Variants in MAST4 observed in about 807,000 individuals in gnomAD.
MAST4 encodes the protein microtubule-associated serine/threonine-protein kinase 4.
MAST4 carries 89 observed loss-of-function variants against 162.7 expected under a neutral mutation model. That is an observed-to-expected ratio of 0.55 (90% CI 0.46 to 0.65). The LOEUF (loss-of-function observed/expected upper bound fraction) is 0.65. Among genes scored for constraint, MAST4 ranks in the 30% least tolerant of loss-of-function variants. The probability of loss-of-function intolerance (pLI) is 0.00; values close to 1 mark genes in which losing one functional copy is unlikely to be tolerated. For synonymous variants in MAST4, 1,479 were observed against 1,361.1 expected, an observed-to-expected ratio of 1.09 and a Z score of -1.91; for missense variants, 3,153 against 3,374.0, an observed-to-expected ratio of 0.93 and a Z score of 1.62.
At chr5:67,041,724 G>GTTAA in intron 4 of MAST4, among the ~76,000 whole-genome samples, 1 of 152,316 alleles carries the variant, frequency 6.6e-6, no homozygotes, top group Non-Finnish European at 1.5e-5. Context: ...CGCCTCCCAG[G>GTTAA]TTCAAGCGAT....
intron 4 of MAST4, among the ~76,000 whole-genome samples, chr5:67,036,301 T>C (rs964793875): frequency 2.6e-5 from 4 of 152,184 alleles, no homozygotes; most frequent in African/African-American, 9.7e-5. Flanking sequence ...CAGCTTTTCT[T>C]TGTAAAACTC....
intron 4 of MAST4, among the ~76,000 whole-genome samples, chr5:67,020,788 T>C (rs528608675): frequency 6.6e-6 from 1 of 152,274 alleles, no homozygotes; most frequent in Admixed American, 6.5e-5. Flanking sequence ...GTACCATAAG[T>C]AAAATGGATT....
intron 4 of MAST4, among the ~76,000 whole-genome samples, chr5:66,975,415 A>C (rs1333079810): frequency 6.6e-6 from 1 of 152,174 alleles, no homozygotes; most frequent in Non-Finnish European, 1.5e-5. Context: ...TTACAGAAGA[A>C]GGAGCCCAGG....
At chr5:67,128,525 T>C (rs1328815473) in intron 14 of MAST4, among the ~76,000 whole-genome samples, 2 of 151,800 alleles carry the variant, frequency 1.3e-5, no homozygotes, top group African/African-American at 4.8e-5. Flanking sequence ...AAAATATAGA[T>C]GTGTGATTTG....
intron 1 of MAST4, among the ~76,000 whole-genome samples, chr5:66,663,401 T>A (rs991654342): frequency 6.6e-6 from 1 of 152,078 alleles, no homozygotes; most frequent in African/African-American, 2.4e-5. Context: ...AAACTTAATT[T>A]AAAAAATCGA....
intron 18 of MAST4, among the ~76,000 whole-genome samples, chr5:67,135,670 A>T (rs184384011): frequency 5.8e-4 from 88 of 152,350 alleles, no homozygotes; most frequent in African/African-American, 2.0e-3. Flanking sequence ...ATGGATTTAT[A>T]ACTAGGCTGT....
At chr5:66,608,665 G>A (rs2149390838) in intron 1 of MAST4, among the ~76,000 whole-genome samples, 1 of 152,160 alleles carries the variant, frequency 6.6e-6, no homozygotes, top group African/African-American at 2.4e-5. Flanking sequence ...GCACTCTGTT[G>A]TGTCATCTCA....
At chr5:67,024,592 A>G (rs1319323143) in intron 4 of MAST4, among the ~76,000 whole-genome samples, 1 of 152,040 alleles carries the variant, frequency 6.6e-6, no homozygotes, top group African/African-American at 2.4e-5. Context: ...GTCATTGAGG[A>G]TAATCCTCTT....
intron 4 of MAST4, among the ~76,000 whole-genome samples, chr5:66,912,321 G>C (rs1204901268): frequency 6.6e-6 from 1 of 152,214 alleles, no homozygotes; most frequent in South Asian, 2.1e-4. Context: ...GGGTTTACCA[G>C]GGGGTTTGTA....
chr5:67,153,964 G>T (rs1227579448), intron 26 of MAST4, among the ~76,000 whole-genome samples: 2 of 152,296 alleles, frequency 1.3e-5, no homozygotes, highest in East Asian at 3.9e-4. Context: ...TGTGAGGTTT[G>T]ATCTGAAGGT....
intron 3 of MAST4, among the ~76,000 whole-genome samples, chr5:66,842,598 C>G (rs1191512338): frequency 6.6e-6 from 1 of 152,212 alleles, no homozygotes; most frequent in African/African-American, 2.4e-5. Flanking sequence ...CTTCAACATA[C>G]TTGCTTTGAA....
rs749391063 is a variant in MAST4, at chr5:67,164,987, G to A, written c.5808G>A (p.Lys1936=). The part of the protein sequence containing the change: ...PKHQDHTTDP[K]LLTCLGQNLH... ...ACCAAGACCACACCACTGACCCCAA[G>A]CTTCTGACCTGCCTGGGGCAGAACC... The change falls in exon 29 of 29, where the codon AAG becomes AAA. Residue 1936 remains lysine, a synonymous_variant. Transcript: ENST00000403625. The surrounding 1 kb of genome is among the most constrained non-coding windows in gnomAD (Gnocchi z 5.3). 5.0e-6 allele frequency: 8 copies of A among 1,613,762 alleles called. No individual in the cohort carries two copies. In the African/African-American group the frequency reaches 1.1e-4, roughly 22 times the overall value.
At chr5:67,019,114 CT>C (rs1223528361) in intron 4 of MAST4, among the ~76,000 whole-genome samples, 3 of 152,182 alleles carry the variant, frequency 2.0e-5, no homozygotes, top group Non-Finnish European at 4.4e-5. Context: ...AAATGCCCAA[CT>C]TTGCAATGGT....
At chr5:66,705,042 G>T (rs1204376556) in intron 1 of MAST4, among the ~76,000 whole-genome samples, 1 of 152,140 alleles carries the variant, frequency 6.6e-6, no homozygotes, top group Non-Finnish European at 1.5e-5. Context: ...CACAGAAATT[G>T]TTGCTCCACA....
intron 3 of MAST4, among the ~76,000 whole-genome samples, chr5:66,850,887 A>C (rs1759256953): frequency 6.6e-6 from 1 of 151,048 alleles, no homozygotes; most frequent in East Asian, 2.0e-4. Context: ...ATTCAACTTA[A>C]ATTGCACAAC....
At chr5:66,774,287 G>A (rs1284494005) in intron 2 of MAST4, among the ~76,000 whole-genome samples, 1 of 152,218 alleles carries the variant, frequency 6.6e-6, no homozygotes, top group Non-Finnish European at 1.5e-5. Context: ...TGGTTGCCAG[G>A]AATCTCAAAG....
intron 1 of MAST4, among the ~76,000 whole-genome samples, chr5:66,619,000 C>G (rs1489075968): frequency 6.6e-6 from 1 of 152,150 alleles, no homozygotes; most frequent in Admixed American, 6.5e-5. Flanking sequence ...TGGCAACGCA[C>G]TAAATGCTGG....
chr5:67,139,147 C>A (rs146160526), intron 19 of MAST4, among the ~76,000 whole-genome samples: 301 of 152,328 alleles, frequency 2.0e-3, no homozygotes, highest in Non-Finnish European at 2.1e-3. Context: ...ACAGGCCAGT[C>A]CAACATGACA....
intron 3 of MAST4, among the ~76,000 whole-genome samples, chr5:66,873,621 A>G (rs1369776247): frequency 2.6e-5 from 4 of 152,216 alleles, no homozygotes; most frequent in Non-Finnish European, 4.4e-5. Context: ...AGGCTTTGTC[A>G]TTAACCAGCT....
Sources: allele counts gnomAD v4.1 joint callset (sites outside exome capture counted in the v4.1 genomes callset), GRCh38; gene constraint gnomAD v4.1.1; non-coding constraint Gnocchi (gnomAD v3.1); transcripts MANE v1.5; gene names NCBI Gene and HGNC (gene_info 2026-07-23, HGNC 2026-07-21).